Variants in METTL4 observed in about 807,000 individuals in gnomAD.
METTL4 encodes methyltransferase 4, N6-adenosine.
Under a neutral mutation model 54.0 loss-of-function variants are expected in METTL4, and 40 were observed. The ratio of observed to expected loss-of-function variants is 0.74; its 90% CI spans 0.58 to 0.96. METTL4 has a LOEUF of 0.96. Among genes scored for constraint, METTL4 ranks in the 50% least tolerant of loss-of-function variants. The probability of loss-of-function intolerance (pLI) is 0.00; values close to 1 mark genes in which losing one functional copy is unlikely to be tolerated. For synonymous variants in METTL4, 169 were observed against 183.8 expected, an observed-to-expected ratio of 0.92 and a Z score of 0.65; for missense variants, 525 against 549.0, an observed-to-expected ratio of 0.96 and a Z score of 0.44.
At position 2,571,325 on chromosome 18, in the gene METTL4, C is replaced by G. The variant is rs1273223221; in HGVS notation, c.-615G>C. The stretch of plus-strand genomic sequence containing the variant: ...GCTGTACGGAAAAACGTTTCCAGGG[C>G]GAGTTGAGCGTTCAGGGCACTCCTC... On this transcript the variant is annotated 5_prime_UTR_variant, in exon 1 of 9. Transcript: ENST00000574538. 2.0e-5 allele frequency: 3 copies of G among 152,244 alleles called. No individual in the cohort carries two copies. The highest frequency in any genetic ancestry group is 4.4e-5 in the Non-Finnish European group (3 of 68,072). 9.4% of individuals were successfully genotyped at this position (152,244 alleles called of 1,614,324 possible). A position where few individuals can be genotyped will look rare whatever the true frequency, so the allele number is the denominator to read the frequency against.
intron 3 of METTL4, 87 bp downstream of exon 3, chr18:2,563,709 GA>G: frequency 1.5e-5 from 12 of 786,324 alleles, no homozygotes; most frequent in South Asian, 5.8e-5. Context: ...GCTTGATTTT[GA>G]AAAAAAATCC....
intron 5 of METTL4, among the ~76,000 whole-genome samples, chr18:2,552,337 T>A (rs1196454507): frequency 6.6e-6 from 1 of 152,156 alleles, no homozygotes; most frequent in Non-Finnish European, 1.5e-5. Context: ...AAGAATGAAT[T>A]AGACAAATTC....
At position 2,571,460 on chromosome 18, in the gene METTL4, G is replaced by A. The variant is rs574553670; in HGVS notation, c.-750C>T. Reference sequence around the variant, plus strand: ...CCCCAGTTCCTGGGGTGACGCAGCTGGGCGCGACCAGCACGCAGCCTTCCA... The same window carrying A: ...CCCCAGTTCCTGGGGTGACGCAGCTAGGCGCGACCAGCACGCAGCCTTCCA... On this transcript the variant is annotated 5_prime_UTR_variant, in exon 1 of 9. Transcript: ENST00000574538. The A allele has an allele frequency of 2.6e-5, 4 of 152,348 alleles. No homozygotes were observed. The highest frequency in any genetic ancestry group is 4.1e-4 in the South Asian group (2 of 4,830). The allele number at this position is 152,348 out of a possible 1,614,324, so 9.4% of individuals were successfully genotyped here.
rs959477278 is a variant in METTL4 at position 2,540,539 on chromosome 18, A to G, written c.1274-1394T>C. 7.1e-6 allele frequency: 7 copies of G among 985,342 alleles called. No homozygotes were observed. The African/African-American group carries it at 1.0e-4, about 15-fold the overall frequency. The allele number at this position is 985,342 out of a possible 1,614,324, so 61.0% of individuals were successfully genotyped here. ...ACTGGTCCTGTTTAGCAAAAATCAA[A>G]GAAGAATTAAAAGGTTTCACTGTCT... is the stretch of plus-strand genomic sequence containing the variant. On this transcript the variant is annotated intron_variant, in intron 8 of 8. Coordinates refer to ENST00000574538, the MANE Select transcript of METTL4 (RefSeq NM_022840.5).
intron 7 of METTL4, 34 bp downstream of exon 7, chr18:2,544,619 C>T (rs1459850812): frequency 7.9e-7 from 1 of 1,262,120 alleles, no homozygotes; most frequent in East Asian, 2.3e-5. Flanking sequence ...AAAATTAATA[C>T]ATGTATACAA....
At chr18:2,564,226 AC>A (rs1419003319) in intron 2 of METTL4, among the ~76,000 whole-genome samples, 2 of 146,382 alleles carry the variant, frequency 1.4e-5, no homozygotes, top group Non-Finnish European at 3.0e-5. Context: ...ACATGGTGAA[AC>A]CCCATCTCTA....
At position 2,544,194 on chromosome 18, in the gene METTL4, C is replaced by A. The variant is rs141999112; in HGVS notation, c.1273+1G>T. The A allele has an allele frequency of 7.7e-5, 123 of 1,593,770 alleles. No homozygotes were observed. The highest frequency in any genetic ancestry group is 1.0e-4 in the Non-Finnish European group (120 of 1,171,842). On this transcript the variant is annotated splice_donor_variant, in intron 8 of 8. Transcript: ENST00000574538. LOFTEE classifies it high-confidence loss of function. ...AACAATTCTATTTTATAAAAACATA[C>A]CAGCAAGCGGTGGCTTATGTGAGTG...
At chr18:2,546,174 T>C (rs985963574) in intron 6 of METTL4, among the ~76,000 whole-genome samples, 5 of 152,048 alleles carry the variant, frequency 3.3e-5, no homozygotes, top group African/African-American at 1.2e-4. Flanking sequence ...TAGGTATAAA[T>C]AAACAATATA....
intron 6 of METTL4, among the ~76,000 whole-genome samples, chr18:2,545,255 C>T (rs1370185414): frequency 1.3e-5 from 2 of 152,066 alleles, no homozygotes; most frequent in Non-Finnish European, 2.9e-5. Context: ...AATCTCTACT[C>T]TTAACTAAAA....
chr18:2,560,247 C>T (rs1344186993), intron 3 of METTL4, among the ~76,000 whole-genome samples: 2 of 151,872 alleles, frequency 1.3e-5, no homozygotes, highest in Non-Finnish European at 2.9e-5. Context: ...ATTCTTCTAT[C>T]AATAAATAAA....
chr18:2,568,452 T>TGAA (rs10673404), intron 1 of METTL4: 146,788 of 152,258 alleles, frequency 0.96, 70,994 homozygotes, highest in East Asian at 1. Context: ...TGGAAGAACC[T>TGAA]GAAGGTTAGA....
chr18:2,546,918 A>G (rs1199847520), intron 6 of METTL4, among the ~76,000 whole-genome samples: 1 of 152,132 alleles, frequency 6.6e-6, no homozygotes, highest in Non-Finnish European at 1.5e-5. Context: ...ACAATGGGTT[A>G]CTTTGCTATT....
chr18:2,555,047 G>T lies in METTL4; in HGVS notation c.460-9C>A. On this transcript the variant is annotated splice_polypyrimidine_tract_variant and intron_variant, in intron 3 of 8. Transcript: ENST00000574538. The stretch of plus-strand genomic sequence containing the variant: ...AAAATCAGCTCCCTGATCTGTAAGA[G>T]AATTTTAAGTACATTAAAAGAACGT... 2 of 1,607,222 alleles carry T rather than the reference G, an allele frequency of 1.2e-6. No individual in the cohort carries two copies. Among genetic ancestry groups the T allele is most frequent in the South Asian group, 1.1e-5 (1 of 89,578 alleles).
intron 5 of METTL4, among the ~76,000 whole-genome samples, chr18:2,549,344 C>T (rs1320176244): frequency 1.3e-5 from 2 of 151,962 alleles, no homozygotes; most frequent in Non-Finnish European, 2.9e-5. Flanking sequence ...ATTATCCTAT[C>T]TCATTTGAAA....
chr18:2,549,871 G>A (rs1169851410), intron 5 of METTL4, among the ~76,000 whole-genome samples: 1 of 147,520 alleles, frequency 6.8e-6, no homozygotes, highest in African/African-American at 2.5e-5. Context: ...GCAGACACCT[G>A]TAATCCCAGC....
intron 1 of METTL4, among the ~76,000 whole-genome samples, chr18:2,570,118 C>T (rs1185166467): frequency 6.6e-6 from 1 of 152,188 alleles, no homozygotes; most frequent in Non-Finnish European, 1.5e-5. Flanking sequence ...TGTGCTTGCT[C>T]TTAAAAATTG....
intron 2 of METTL4, among the ~76,000 whole-genome samples, chr18:2,565,939 C>G (rs572356460): frequency 2.0e-5 from 3 of 151,608 alleles, no homozygotes; most frequent in Non-Finnish European, 4.4e-5. Flanking sequence ...CCCAGCTGCT[C>G]GGGAGGCTGA....
At chr18:2,542,158 G>A (rs1211900130) in intron 8 of METTL4, among the ~76,000 whole-genome samples, 1 of 151,962 alleles carries the variant, frequency 6.6e-6, no homozygotes, top group Non-Finnish European at 1.5e-5. Flanking sequence ...AGGAAGAACT[G>A]CATTTCAAAG....
At chr18:2,568,752 C>CA (rs552135454) in intron 1 of METTL4, 58,132 of 111,864 alleles carry the variant, frequency 0.52, 14,017 homozygotes, top group East Asian at 0.71. Flanking sequence ...AACTACGTCT[C>CA]AAAAAAAAAA....
Sources: gnomAD v4.1 joint callset for allele counts (sites outside exome capture counted in the v4.1 genomes callset) on GRCh38, gnomAD v4.1.1 for gene constraint, MANE v1.5 for transcripts, NCBI Gene and HGNC (gene_info 2026-07-23, HGNC 2026-07-21) for gene names.